CSMD1: variants seen among roughly 807,000 people sequenced by gnomAD.
CSMD1 encodes the protein CUB and sushi domain-containing protein 1.
A neutral mutation model predicts 417.5 loss-of-function variants in CSMD1; 213 were observed. That is an observed-to-expected ratio of 0.51 (90% confidence interval 0.46 to 0.57). The LOEUF (loss-of-function observed/expected upper bound fraction) is 0.57. Ranked by LOEUF, CSMD1 falls within the 20% of genes least tolerant of loss-of-function variation. CSMD1 has a pLI of 0.00. For synonymous variants in CSMD1, 2,862 were observed against 1,736.8 expected (o/e 1.65, Z -16.11); for missense variants, 6,923 against 4,529.7 (o/e 1.53, Z -15.17).
At chr8:4,859,145 G>T (rs574104014) in intron 1 of CSMD1, among the ~76,000 whole-genome samples, 111 of 152,104 alleles carry the variant, frequency 7.3e-4, no homozygotes, top group African/African-American at 2.5e-3. Context: ...TGACAAACCT[G>T]AGAAAAACAA....
At chr8:3,839,608 G>A (rs1219781357) in intron 5 of CSMD1, among the ~76,000 whole-genome samples, 1 of 134,260 alleles carries the variant, frequency 7.4e-6, no homozygotes, top group African/African-American at 2.8e-5. Context: ...ATATATAGTT[G>A]CCCACTGCAC....
intron 3 of CSMD1, among the ~76,000 whole-genome samples, chr8:4,225,700 G>A (rs1328637632): frequency 6.6e-6 from 1 of 152,116 alleles, no homozygotes; most frequent in East Asian, 1.9e-4. Context: ...CACCAGGCAA[G>A]GATGTTATCC....
At chr8:3,757,276 G>C (rs1040426299) in intron 5 of CSMD1, among the ~76,000 whole-genome samples, 4 of 152,172 alleles carry the variant, frequency 2.6e-5, no homozygotes, top group African/African-American at 4.8e-5. Flanking sequence ...GGGCCAGGGA[G>C]TACGTACGTA....
intron 23 of CSMD1, among the ~76,000 whole-genome samples, chr8:3,334,213 T>C (rs1807093827): frequency 1.3e-5 from 2 of 152,202 alleles, no homozygotes; most frequent in Non-Finnish European, 2.9e-5. Flanking sequence ...TTATCTCTCT[T>C]GATCAACGCA....
intron 1 of CSMD1, among the ~76,000 whole-genome samples, chr8:4,855,031 A>G (rs751566180): frequency 7.9e-5 from 12 of 152,138 alleles, no homozygotes; most frequent in Non-Finnish European, 1.2e-4. Flanking sequence ...AGGTTTGAAG[A>G]GAGCAGTGGT....
intron 5 of CSMD1, among the ~76,000 whole-genome samples, chr8:3,837,866 T>C (rs1256235270): frequency 2.0e-5 from 3 of 152,130 alleles, no homozygotes; most frequent in Admixed American, 6.6e-5. Context: ...CATTCCAACC[T>C]CACAGGACTA....
At position 4,994,512 on chromosome 8, in the gene CSMD1, G is replaced by T. The variant is rs1811654056; in HGVS notation, c.-96C>A. The stretch of plus-strand genomic sequence containing the variant: ...AAATAATCACCCGAGGGCAAGGCGA[G>T]CCGGAGAGAGAGCCCGGTCCCAAGA... On this transcript the variant is annotated 5_prime_UTR_variant, in exon 1 of 70. Coordinates refer to ENST00000635120, the MANE Select transcript of CSMD1 (RefSeq NM_033225.6). 2.6e-6 allele frequency: 3 copies of T among 1,141,802 alleles called. No homozygotes were observed. The highest frequency in any genetic ancestry group is 3.8e-6 in the Non-Finnish European group (3 of 789,788). The allele number at this position is 1,141,802 out of a possible 1,614,324, so 70.7% of individuals were successfully genotyped here. A position where few individuals can be genotyped will look rare whatever the true frequency, so the allele number is the denominator to read the frequency against.
intron 1 of CSMD1, among the ~76,000 whole-genome samples, chr8:4,738,164 G>A (rs1396029302): frequency 6.6e-6 from 1 of 152,114 alleles, no homozygotes; most frequent in African/African-American, 2.4e-5. Context: ...TATCAGGTTA[G>A]TTTATTTGGT....
intron 5 of CSMD1, among the ~76,000 whole-genome samples, chr8:3,759,015 G>T (rs930425414): frequency 1.3e-5 from 2 of 152,170 alleles, no homozygotes; most frequent in Non-Finnish European, 2.9e-5. Flanking sequence ...AACTGGAAAC[G>T]CAAACAAACG....
chr8:4,061,618 C>T (rs981802804), intron 3 of CSMD1, among the ~76,000 whole-genome samples: 5 of 152,172 alleles, frequency 3.3e-5, no homozygotes, highest in Non-Finnish European at 7.3e-5. Context: ...GACCTGTTTA[C>T]CAGACAGATT....
intron 3 of CSMD1, among the ~76,000 whole-genome samples, chr8:4,074,428 C>T (rs566315521): frequency 6.6e-6 from 1 of 151,986 alleles, no homozygotes; most frequent in South Asian, 2.1e-4. Context: ...GTTTTTTGTA[C>T]ATGATTATTT....
intron 1 of CSMD1, among the ~76,000 whole-genome samples, chr8:4,744,525 A>G (rs1201396571): frequency 2.6e-5 from 4 of 152,158 alleles, no homozygotes; most frequent in Non-Finnish European, 5.9e-5. Flanking sequence ...TGGTATATGA[A>G]TTACCTGTCT....
chr8:4,458,367 TA>T (rs1799613316), intron 2 of CSMD1, among the ~76,000 whole-genome samples: 1 of 152,164 alleles, frequency 6.6e-6, no homozygotes, highest in Non-Finnish European at 1.5e-5. Flanking sequence ...ATAATGAAAT[TA>T]ATTTATAAAC....
At chr8:3,741,616 T>C (rs979159523) in intron 6 of CSMD1, among the ~76,000 whole-genome samples, 9 of 152,234 alleles carry the variant, frequency 5.9e-5, no homozygotes, top group South Asian at 2.1e-4. Flanking sequence ...TCAGTGCAAA[T>C]AGTGCAGACA....
At chr8:4,232,125 A>G (rs1477432695) in intron 3 of CSMD1, among the ~76,000 whole-genome samples, 2 of 152,156 alleles carry the variant, frequency 1.3e-5, no homozygotes, top group Non-Finnish European at 2.9e-5. Context: ...CAAGATTTTC[A>G]CTTTACTATT....
intron 10 of CSMD1, among the ~76,000 whole-genome samples, chr8:3,541,642 A>C (rs781759058): frequency 1.0e-3 from 155 of 150,012 alleles, no homozygotes; most frequent in Non-Finnish European, 1.7e-3. Flanking sequence ...GTTCTTCACT[A>C]ATCAAATTAA....
At chr8:3,175,483 TCCTG>T (rs67818519) in intron 37 of CSMD1, among the ~76,000 whole-genome samples, 133 of 121,662 alleles carry the variant, frequency 1.1e-3, no homozygotes, top group South Asian at 1.9e-3. Context: ...TTCCCTTCCT[TCCTG>T]CCTGCCTGCC....
chr8:4,799,083 C>G (rs1266853603), intron 1 of CSMD1, among the ~76,000 whole-genome samples: 1 of 152,174 alleles, frequency 6.6e-6, no homozygotes, highest in Non-Finnish European at 1.5e-5. Context: ...TTGGCCGACC[C>G]TGCGCATCTT....
At chr8:4,717,418 C>G (rs557111523) in intron 1 of CSMD1, among the ~76,000 whole-genome samples, 2 of 149,754 alleles carry the variant, frequency 1.3e-5, no homozygotes, top group African/African-American at 5.0e-5. Context: ...TACACACACA[C>G]TATATATATA....
Sources: allele counts gnomAD v4.1 joint callset (sites outside exome capture counted in the v4.1 genomes callset), GRCh38; gene constraint gnomAD v4.1.1; transcripts MANE v1.5; gene names NCBI Gene and HGNC (gene_info 2026-07-23, HGNC 2026-07-21).